SLC44A5: variants seen among roughly 807,000 people sequenced by gnomAD.
SLC44A5 encodes solute carrier family 44 member 5, also known as choline transporter-like protein 5.
Under a neutral mutation model 101.8 loss-of-function variants are expected in SLC44A5, and 57 were observed. The ratio of observed to expected loss-of-function variants is 0.56; its 90% confidence interval spans 0.45 to 0.70. SLC44A5 has a LOEUF of 0.70. Among genes scored for constraint, SLC44A5 ranks in the 30% least tolerant of loss-of-function variants. The pLI is 0.00. For missense variants in SLC44A5, 737 were observed against 853.1 expected (o/e 0.86, Z 1.70); for synonymous variants, 281 against 290.9 (o/e 0.97, Z 0.35).
intron 3 of SLC44A5, among the ~76,000 whole-genome samples, chr1:75,375,784 C>G (rs1405370640): frequency 6.6e-6 from 1 of 152,168 alleles, no homozygotes; most frequent in Non-Finnish European, 1.5e-5. Flanking sequence ...ACAATTTTTC[C>G]CGAACAAGCA....
intron 6 of SLC44A5, among the ~76,000 whole-genome samples, chr1:75,273,850 G>C (rs181409526): frequency 6.6e-6 from 1 of 151,952 alleles, no homozygotes; most frequent in Non-Finnish European, 1.5e-5. Flanking sequence ...TTTTTGTTAT[G>C]TTCTTTCCTG....
intron 22 of SLC44A5, among the ~76,000 whole-genome samples, chr1:75,213,446 C>T (rs1646897740): frequency 1.3e-5 from 2 of 151,950 alleles, no homozygotes; most frequent in South Asian, 2.1e-4. Flanking sequence ...GTGATTAGGT[C>T]AGGAGGATCG....
chr1:75,680,664 G>T, the SLC44A5 span, among the ~76,000 whole-genome samples: 1 of 150,886 alleles, frequency 6.6e-6, no homozygotes, highest in East Asian at 1.9e-4. Flanking sequence ...AAGCAGGAAA[G>T]ATCCAAAATT....
intron 12 of SLC44A5, 99 bp from the exon 13 acceptor site, chr1:75,227,956 T>TG (rs1647258565): frequency 2.1e-6 from 2 of 941,684 alleles, no homozygotes; most frequent in East Asian, 3.2e-5. Context: ...CTGATCAGCA[T>TG]GGTAATTTCT....
intron 5 of SLC44A5, among the ~76,000 whole-genome samples, chr1:75,281,327 T>G (rs750802243): frequency 5.3e-5 from 8 of 152,070 alleles, no homozygotes; most frequent in Non-Finnish European, 1.2e-4. Flanking sequence ...TGTGGAACTT[T>G]GAACTTGAGA....
At chr1:75,472,545 G>A (rs539772309) in intron 2 of SLC44A5, among the ~76,000 whole-genome samples, 26 of 152,232 alleles carry the variant, frequency 1.7e-4, no homozygotes, top group East Asian at 9.7e-4. Flanking sequence ...TTGAGCTTGC[G>A]CTGTGAAGTG....
chr1:75,429,646 G>A (rs1199958880), intron 2 of SLC44A5, among the ~76,000 whole-genome samples: 1 of 152,160 alleles, frequency 6.6e-6, no homozygotes, highest in African/African-American at 2.4e-5. Context: ...CTTCTGGTGA[G>A]AGCCCCAGGA....
At chr1:75,587,646 T>C (rs953422277) in intron 1 of SLC44A5, among the ~76,000 whole-genome samples, 1 of 152,254 alleles carries the variant, frequency 6.6e-6, no homozygotes, top group Non-Finnish European at 1.5e-5. Context: ...TTAGCTCTTT[T>C]TCACATTAGG....
At chr1:75,218,814 C>G (rs1487508549) in intron 16 of SLC44A5, 62 bp from the exon 17 acceptor site, 32 of 1,459,982 alleles carry the variant, frequency 2.2e-5, no homozygotes, top group Non-Finnish European at 2.8e-5. Flanking sequence ...ATAACAACTC[C>G]CTGTGTTTTC....
the SLC44A5 span, among the ~76,000 whole-genome samples, chr1:75,697,173 CTGAG>C: frequency 2.0e-5 from 3 of 152,118 alleles, no homozygotes; most frequent in Non-Finnish European, 4.4e-5. Flanking sequence ...CTTTGGGAGG[CTGAG>C]TAAGAGGACT....
intron 3 of SLC44A5, among the ~76,000 whole-genome samples, chr1:75,348,131 T>TTC (rs144447936): frequency 1.3e-3 from 188 of 150,106 alleles, no homozygotes; most frequent in African/African-American, 2.9e-3. Context: ...GTAGGCTCCC[T>TTC]TCTCTCTCTC....
At chr1:75,549,124 G>A (rs1671801940) in intron 1 of SLC44A5, among the ~76,000 whole-genome samples, 1 of 134,164 alleles carries the variant, frequency 7.5e-6, no homozygotes, top group African/African-American at 2.7e-5. Context: ...TTTTACCTAA[G>A]CTCTGATTTT....
chr1:75,445,298 C>T (rs1240788844), intron 2 of SLC44A5, among the ~76,000 whole-genome samples: 1 of 151,944 alleles, frequency 6.6e-6, no homozygotes, highest in African/African-American at 2.4e-5. Context: ...GCCTGCTCCC[C>T]TTGTGTCTTC....
intron 3 of SLC44A5, among the ~76,000 whole-genome samples, chr1:75,353,276 A>G (rs969736457): frequency 1.3e-5 from 2 of 152,238 alleles, no homozygotes; most frequent in African/African-American, 4.8e-5. Flanking sequence ...CAGTGAGCCA[A>G]CTGAGCATCT....
chr1:75,633,268 T>C, the SLC44A5 span, among the ~76,000 whole-genome samples: 1 of 152,196 alleles, frequency 6.6e-6, no homozygotes, highest in Non-Finnish European at 1.5e-5. Flanking sequence ...AAGGCATTCG[T>C]AGCTTGATGG....
chr1:75,230,570 TA>T (rs1197054520), intron 12 of SLC44A5, among the ~76,000 whole-genome samples: 1 of 152,106 alleles, frequency 6.6e-6, no homozygotes, highest in African/African-American at 2.4e-5. Flanking sequence ...TTTAATTCTT[TA>T]AACCTTTCAT....
At chr1:75,461,996 C>T (rs1666526854) in intron 2 of SLC44A5, among the ~76,000 whole-genome samples, 1 of 152,216 alleles carries the variant, frequency 6.6e-6, no homozygotes, top group Admixed American at 6.5e-5. Context: ...GCCTGGCTGA[C>T]TTTGCCACCT....
chr1:75,660,063 G>T, the SLC44A5 span, among the ~76,000 whole-genome samples: 7 of 152,012 alleles, frequency 4.6e-5, no homozygotes, highest in African/African-American at 1.7e-4. Context: ...AATTAGCCTG[G>T]TGTGGTGGTG....
the SLC44A5 span, among the ~76,000 whole-genome samples, chr1:75,649,709 ACT>A: frequency 6.6e-6 from 1 of 152,148 alleles, no homozygotes; most frequent in Non-Finnish European, 1.5e-5. Flanking sequence ...AAGCTATGTA[ACT>A]CTCTAAGATA....
Sources: gnomAD v4.1 joint callset for allele counts (sites outside exome capture counted in the v4.1 genomes callset) on GRCh38, gnomAD v4.1.1 for gene constraint, MANE v1.5 for transcripts, NCBI Gene and HGNC (gene_info 2026-07-23, HGNC 2026-07-21) for gene names.